The following NOTCH2NLB variants were observed in gnomAD, a reference collection of about 807,000 sequenced individuals.
NOTCH2NLB encodes the protein notch homolog 2 N-terminal-like protein B.
In NOTCH2NLB, 1 loss-of-function variant was observed where a neutral mutation model predicts 14.8. That is an observed-to-expected ratio of 0.07 (90% CI 0.02 to 0.32). The LOEUF is 0.32. Among genes scored for constraint, NOTCH2NLB ranks in the 10% least tolerant of loss-of-function variants. The pLI is 1.00. For synonymous variants in NOTCH2NLB, 6 were observed against 57.5 expected, an observed-to-expected ratio of 0.10 and a Z score of 4.05; for missense variants, 11 against 155.0, an observed-to-expected ratio of 0.07 and a Z score of 4.93.
At chr1:148,651,160 A>ATATATAT (rs1277364573) in intron 1 of NOTCH2NLB, among the ~76,000 whole-genome samples, 44 of 46,568 alleles carry the variant, frequency 9.4e-4, no homozygotes, top group East Asian at 1.8e-3. Context: ...AAAAAAAAAA[A>ATATATAT]AAATATATAT....
chr1:148,685,699 G>A, the NOTCH2NLB span, among the ~76,000 whole-genome samples: 6 of 128,838 alleles, frequency 4.7e-5, no homozygotes, highest in South Asian at 2.9e-4. Context: ...GGTGGTGCAC[G>A]CCTATGGTCC....
chr1:148,628,294 A>G lies in NOTCH2NLB; in HGVS notation c.77+11722T>C, dbSNP rs1173061154. ...AAAAATCCTACAAAGTGGCCTCAAT[A>G]GCATGAACTGCTAGATTCTGTAGTG... On this transcript the variant is annotated intron_variant, in intron 2 of 4. Transcript: ENST00000593495. Among the ~76,000 whole-genome samples the G allele has an allele frequency of 3.1e-4, 40 of 128,910 alleles. 4 individuals carry two copies. Among genetic ancestry groups the G allele is most frequent in the Middle Eastern group, 3.7e-3 (1 of 268 alleles). 84.6% of individuals were successfully genotyped at this position (128,910 alleles called of 152,430 possible).
chr1:148,608,546 C>A (rs1663582760), intron 3 of NOTCH2NLB, among the ~76,000 whole-genome samples: 1 of 152,158 alleles, frequency 6.6e-6, no homozygotes, highest in African/African-American at 2.4e-5. Flanking sequence ...CTATTTTCTT[C>A]TATTATACCA....
the NOTCH2NLB span, among the ~76,000 whole-genome samples, chr1:148,691,048 C>CTCAAGTG: frequency 1.7e-5 from 1 of 59,408 alleles, no homozygotes; most frequent in Non-Finnish European, 3.5e-5. Flanking sequence ...TTATAACATT[C>CTCAAGTG]TCAAGTGATG....
At chr1:148,676,997 T>C (rs1462830081) in intron 1 of NOTCH2NLB, among the ~76,000 whole-genome samples, 2 of 54,240 alleles carry the variant, frequency 3.7e-5, no homozygotes, top group African/African-American at 1.1e-4. Context: ...CATCACCATC[T>C]GAAAGAAAAT....
At chr1:148,637,622 T>C (rs1664237671) in intron 2 of NOTCH2NLB, among the ~76,000 whole-genome samples, 3 of 147,152 alleles carry the variant, frequency 2.0e-5, no homozygotes, top group Non-Finnish European at 4.5e-5. Context: ...ATGTGCAGAA[T>C]GTGCAGGTTT....
At chr1:148,608,863 C>T (rs1309033746) in intron 3 of NOTCH2NLB, among the ~76,000 whole-genome samples, 9 of 142,902 alleles carry the variant, frequency 6.3e-5, no homozygotes, top group South Asian at 2.2e-4. Context: ...GAAGGTATTC[C>T]GTGGACTTTC....
At chr1:148,601,384 A>G in the NOTCH2NLB span, among the ~76,000 whole-genome samples, 1 of 150,108 alleles carries the variant, frequency 6.7e-6, no homozygotes, top group Non-Finnish European at 1.5e-5. Context: ...TTAAAAATAT[A>G]TCTTAGGTTT....
the NOTCH2NLB span, among the ~76,000 whole-genome samples, chr1:148,708,106 C>T: frequency 1.5e-5 from 1 of 66,370 alleles, no homozygotes. Context: ...TATGTGTTTG[C>T]ATGTGCGTGT....
At chr1:148,699,906 G>A in the NOTCH2NLB span, among the ~76,000 whole-genome samples, 1 of 72,642 alleles carries the variant, frequency 1.4e-5, no homozygotes, top group Non-Finnish European at 3.0e-5. Context: ...GGGTATATGT[G>A]CAGGATGTGG....
At chr1:148,679,646 C>T in exon 1 of NOTCH2NLB, 1 of 1,037,446 alleles carries the variant, frequency 9.6e-7, no homozygotes, top group Non-Finnish European at 1.2e-6. Context: ...AAGGCTCAGG[C>T]CCTGGCGCTA....
chr1:148,631,151 CTACATAAATCCTAATCAGAT>C lies in NOTCH2NLB; in HGVS notation c.77+8845_77+8864del, dbSNP rs1478896455. On this transcript the variant is annotated intron_variant, in intron 2 of 4. Transcript: ENST00000593495. ...ATTTAATACCCTAAATGCTACCATT[CTACATAAATCCTAATCAGAT>C]TATTTTCTTATTAACACCTACCTTT... Among the ~76,000 whole-genome samples, 22 of 139,206 alleles carry C rather than the reference CTACATAAATCCTAATCAGAT, an allele frequency of 1.6e-4. 1 individual carries two copies. The highest frequency in any genetic ancestry group is 2.9e-4 in the Non-Finnish European group (19 of 65,754). The allele number at this position is 139,206 out of a possible 152,430, so 91.3% of individuals were successfully genotyped here.
chr1:148,637,963 A>T (rs1664250335), intron 2 of NOTCH2NLB, among the ~76,000 whole-genome samples: 1 of 147,964 alleles, frequency 6.8e-6, no homozygotes, highest in Non-Finnish European at 1.5e-5. Flanking sequence ...TCGTGTATAC[A>T]TGCCACATTT....
chr1:148,650,914 C>T (rs1281266875), intron 1 of NOTCH2NLB, among the ~76,000 whole-genome samples: 220 of 113,380 alleles, frequency 1.9e-3, no homozygotes, highest in Non-Finnish European at 3.2e-3. Context: ...CCGAGGTGGG[C>T]GGATCACGAG....
intron 1 of NOTCH2NLB, among the ~76,000 whole-genome samples, chr1:148,658,550 C>CTTTTTTTTTTTTTTTTTTTT (rs1194273075): frequency 2.6e-5 from 1 of 38,586 alleles, no homozygotes; most frequent in Non-Finnish European, 4.8e-5. Flanking sequence ...CCCAATACCA[C>CTTTTTTTTTTTTTTTTTTTT]TTTTTTTTTT....
At chr1:148,609,991 A>T (rs1484752651) in intron 3 of NOTCH2NLB, among the ~76,000 whole-genome samples, 2 of 142,804 alleles carry the variant, frequency 1.4e-5, no homozygotes, top group African/African-American at 2.8e-5. Context: ...CACAACTGAA[A>T]CAGAAAGATC....
At chr1:148,621,540 AT>A (rs1663873475) in intron 2 of NOTCH2NLB, among the ~76,000 whole-genome samples, 1 of 119,390 alleles carries the variant, frequency 8.4e-6, no homozygotes, top group Admixed American at 7.8e-5. Flanking sequence ...TCGAAATTAG[AT>A]AATGGTGGTG....
chr1:148,688,094 AC>A, the NOTCH2NLB span, among the ~76,000 whole-genome samples: 57 of 119,022 alleles, frequency 4.8e-4, no homozygotes, highest in African/African-American at 1.6e-3. Flanking sequence ...AACAACAACA[AC>A]AACAAAAAAA....
At chr1:148,638,757 T>A (rs1347517371) in intron 2 of NOTCH2NLB, among the ~76,000 whole-genome samples, 11 of 149,370 alleles carry the variant, frequency 7.4e-5, no homozygotes, top group Admixed American at 4.6e-4. Flanking sequence ...ATTAAAAAAC[T>A]AAATCCTAGT....
Sources: allele counts gnomAD v4.1 joint callset (sites outside exome capture counted in the v4.1 genomes callset), GRCh38; gene constraint gnomAD v4.1.1; transcripts MANE v1.5; gene names NCBI Gene and HGNC (gene_info 2026-07-23, HGNC 2026-07-21).